PSTPIP2: variants seen among roughly 807,000 people sequenced by gnomAD.
PSTPIP2 encodes proline-serine-threonine phosphatase-interacting protein 2.
PSTPIP2 carries 33 observed loss-of-function variants against 63.3 expected under a neutral mutation model. The observed-to-expected ratio is 0.52, with a 90% CI of 0.40 to 0.70. PSTPIP2 has a LOEUF of 0.70. Ranked by LOEUF, PSTPIP2 falls within the 30% of genes least tolerant of loss-of-function variation. The pLI, the probability that PSTPIP2 is intolerant of heterozygous loss-of-function variation, is 0.00. For missense variants in PSTPIP2, 312 were observed against 400.7 expected (o/e 0.78, Z 1.89); for synonymous variants, 125 against 132.7 (o/e 0.94, Z 0.40).
At chr18:46,015,119 C>T (rs530782085) in intron 4 of PSTPIP2, among the ~76,000 whole-genome samples, 1 of 152,130 alleles carries the variant, frequency 6.6e-6, no homozygotes, top group Non-Finnish European at 1.5e-5. Context: ...AGAAGAGGCC[C>T]AAAATTGTCC....
At chr18:46,065,435 G>T (rs1221469360) in intron 1 of PSTPIP2, among the ~76,000 whole-genome samples, 1 of 151,776 alleles carries the variant, frequency 6.6e-6, no homozygotes, top group Non-Finnish European at 1.5e-5. Context: ...GAGTACAAGT[G>T]CCCACCACCA....
At chr18:46,065,761 G>A (rs902867380) in intron 1 of PSTPIP2, among the ~76,000 whole-genome samples, 3 of 151,882 alleles carry the variant, frequency 2.0e-5, no homozygotes, top group African/African-American at 4.8e-5. Context: ...CACCGCGCCC[G>A]GCCAATTTTT....
At chr18:46,013,237 G>A (rs1377931121) in intron 4 of PSTPIP2, among the ~76,000 whole-genome samples, 1 of 152,168 alleles carries the variant, frequency 6.6e-6, no homozygotes, top group Non-Finnish European at 1.5e-5. Context: ...AACGTGAAAA[G>A]TTACTGTCTC....
intron 14 of PSTPIP2, 72 bp downstream of exon 14, chr18:45,988,630 G>A: frequency 7.5e-7 from 1 of 1,327,922 alleles, no homozygotes; most frequent in East Asian, 2.3e-5. Context: ...TTATAAATAA[G>A]GTTCAAAGGC....
At chr18:46,035,786 G>A (rs1351153831) in intron 2 of PSTPIP2, among the ~76,000 whole-genome samples, 1 of 152,128 alleles carries the variant, frequency 6.6e-6, no homozygotes, top group East Asian at 1.9e-4. Context: ...CCAGCCCCTG[G>A]AGCCATTCTG....
intron 1 of PSTPIP2, among the ~76,000 whole-genome samples, chr18:46,058,204 G>A (rs1908842123): frequency 6.6e-6 from 1 of 151,940 alleles, no homozygotes; most frequent in African/African-American, 2.4e-5. Flanking sequence ...GGAGACTCCT[G>A]GAAAAGACTC....
At position 45,991,987 on chromosome 18, in the gene PSTPIP2, G is replaced by C. The variant is rs772683768; in HGVS notation, c.839-4C>G. ...AAATTCTCATACATGATGGGTGCTA[G>C]GAGAGTCACCAAGAAACAGGACATG... On this transcript the variant is annotated splice_region_variant and splice_polypyrimidine_tract_variant and intron_variant, in intron 11 of 14. Transcript: ENST00000409746. 1.2e-6 allele frequency: 2 copies of C among 1,610,652 alleles called. No individual in the cohort carries two copies. Among genetic ancestry groups the C allele is most frequent in the Admixed American group, 3.3e-5 (2 of 59,972 alleles).
intron 9 of PSTPIP2, among the ~76,000 whole-genome samples, chr18:45,995,306 T>C (rs778751525): frequency 6.6e-5 from 10 of 152,126 alleles, no homozygotes; most frequent in Non-Finnish European, 1.0e-4. Flanking sequence ...TTTCGCTGTG[T>C]TGCCCAGGCT....
intron 3 of PSTPIP2, among the ~76,000 whole-genome samples, chr18:46,023,587 C>G (rs571473298): frequency 6.6e-6 from 1 of 151,858 alleles, no homozygotes; most frequent in South Asian, 2.1e-4. Flanking sequence ...TAAAATGGTG[C>G]AAAATCTCCT....
chr18:46,020,381 G>A (rs147508064), intron 3 of PSTPIP2, among the ~76,000 whole-genome samples: 92 of 152,296 alleles, frequency 6.0e-4, no homozygotes, highest in African/African-American at 2.2e-3. Flanking sequence ...CTGGCCGGGC[G>A]CGGTAGCTCA....
chr18:45,996,304 A>G (rs1168549329), intron 9 of PSTPIP2, among the ~76,000 whole-genome samples: 2 of 152,308 alleles, frequency 1.3e-5, no homozygotes, highest in Admixed American at 1.3e-4. Context: ...GTGTCTGTCA[A>G]TGATTCTTAT....
chr18:46,028,429 C>A (rs1429683277), intron 2 of PSTPIP2: 2 of 550,030 alleles, frequency 3.6e-6, no homozygotes, highest in East Asian at 5.0e-5. Flanking sequence ...GCTCCGGCAG[C>A]GGAACCGCCC....
At chr18:46,039,271 C>A (rs1447532781) in intron 2 of PSTPIP2, among the ~76,000 whole-genome samples, 1 of 152,078 alleles carries the variant, frequency 6.6e-6, no homozygotes, top group East Asian at 1.9e-4. Context: ...CATTTTTAAA[C>A]AGAAGAAAAG....
intron 4 of PSTPIP2, among the ~76,000 whole-genome samples, chr18:46,012,371 C>T (rs34180217): frequency 0.38 from 58,138 of 151,896 alleles, 11,926 homozygotes; most frequent in Middle Eastern, 0.59. Context: ...TGAATTGAAA[C>T]GAAAAGCTGT....
chr18:46,016,090 A>G (rs1599716610), intron 3 of PSTPIP2, 153 bp from the exon 4 acceptor site: 1 of 733,120 alleles, frequency 1.4e-6, no homozygotes, highest in African/African-American at 1.8e-5. Flanking sequence ...CAAAAGACCA[A>G]GACTTCTTAA....
chr18:46,062,336 T>A (rs1170833784), intron 1 of PSTPIP2, among the ~76,000 whole-genome samples: 3 of 152,022 alleles, frequency 2.0e-5, no homozygotes, highest in Admixed American at 2.0e-4. Context: ...CAGCCAGACT[T>A]GTCCAAGAAT....
chr18:46,028,094 G>A (rs1232901698), intron 2 of PSTPIP2, among the ~76,000 whole-genome samples: 1 of 152,258 alleles, frequency 6.6e-6, no homozygotes, highest in Non-Finnish European at 1.5e-5. Context: ...CCGGGAGGCG[G>A]AGGTTGCAGT....
chr18:45,988,447 C>T, intron 14 of PSTPIP2, among the ~76,000 whole-genome samples: 1 of 106,738 alleles, frequency 9.4e-6, no homozygotes, highest in South Asian at 2.4e-4. Context: ...AAAAAAAAAG[C>T]AGATAAAGAG....
chr18:46,032,754 CA>C (rs762015034), intron 2 of PSTPIP2, among the ~76,000 whole-genome samples: 4,271 of 50,130 alleles, frequency 0.085, 139 homozygotes, highest in African/African-American at 0.2. Context: ...AACTCTGTGT[CA>C]AAAAAAAAAA....
Sources: gnomAD v4.1 joint callset for allele counts (sites outside exome capture counted in the v4.1 genomes callset) on GRCh38, gnomAD v4.1.1 for gene constraint, MANE v1.5 for transcripts, NCBI Gene and HGNC (gene_info 2026-07-23, HGNC 2026-07-21) for gene names.